The following GAS6 variants were observed in gnomAD, a reference collection of about 807,000 sequenced individuals.
GAS6 encodes growth arrest specific 6.
A neutral mutation model predicts 75.8 loss-of-function variants in GAS6; 41 were observed. That is an observed-to-expected ratio of 0.54 (90% confidence interval 0.42 to 0.70). GAS6 has a LOEUF of 0.70. Among genes scored for constraint, GAS6 ranks in the 30% least tolerant of loss-of-function variants. The pLI, the probability that GAS6 is intolerant of heterozygous loss-of-function variation, is 0.00. For missense variants in GAS6, 854 were observed against 940.2 expected (o/e 0.91, Z 1.20); for synonymous variants, 432 against 412.6 (o/e 1.05, Z -0.57).
intron 12 of GAS6, among the ~76,000 whole-genome samples, chr13:113,824,025 C>T (rs564772408): frequency 6.6e-6 from 1 of 150,450 alleles, no homozygotes; most frequent in East Asian, 1.9e-4. Context: ...CAGGAGCTGT[C>T]ATGAGCACGG....
At chr13:113,833,132 C>G in intron 8 of GAS6, 2 of 1,167,152 alleles carry the variant, frequency 1.7e-6, no homozygotes, top group Non-Finnish European at 2.1e-6. Context: ...CTGGAAAGTT[C>G]CCTGTTCTGG....
rs2051471643 is a variant in GAS6 at position 113,822,300 on chromosome 13, C to T, written c.1654-114G>A. 10 of 785,766 alleles carry T rather than the reference C, an allele frequency of 1.3e-5. No individual in the cohort carries two copies. The South Asian group carries it at 2.1e-4, about 16-fold the overall frequency. The allele number at this position is 785,766 out of a possible 1,614,324, so 48.7% of individuals were successfully genotyped here. The stretch of plus-strand genomic sequence containing the variant: ...CCCTACGCCGCACGCCTGTCTCCGT[C>T]CAGGGTTCCCTGCAGCCCTGGGTCT... On this transcript the variant is annotated intron_variant, in intron 13 of 14. Coordinates refer to ENST00000327773, the MANE Select transcript of GAS6 (RefSeq NM_000820.4).
At position 113,846,274 on chromosome 13, in the gene GAS6, C is replaced by T. The variant is rs58158410; in HGVS notation, c.343+253G>A. On this transcript the variant is annotated intron_variant, in intron 4 of 14. Coordinates refer to ENST00000327773, the MANE Select transcript of GAS6 (RefSeq NM_000820.4). ...GGTGTCTGACTGGACGACTCAGAGGCGGGGATGGGCTTTCACATCACACTC... is the reference window on the plus strand; with the variant it reads ...GGTGTCTGACTGGACGACTCAGAGGTGGGGATGGGCTTTCACATCACACTC... 5.8e-3 allele frequency among the ~76,000 whole-genome samples: 877 copies of T among 152,308 alleles called. 12 individuals are homozygous for T. Among genetic ancestry groups the T allele is most frequent in the African/African-American group, 0.02 (834 of 41,554 alleles).
In GAS6 at chr13:113,835,521, G is replaced by T. The variant is rs2051691189; in HGVS notation, c.704C>A (p.Ala235Asp). The T allele has an allele frequency of 1.2e-6, 2 of 1,612,526 alleles. No homozygotes were observed. The highest frequency in any genetic ancestry group is 4.5e-5 in the East Asian group (2 of 44,878). ...EGFAYSSQEK[A>D]CRDVDECLQG... Reference sequence around the variant, plus strand: ...CCGCGTGGCGTGGGTACCTCGGCAAGCCTTCTCCTGGGAGCTGTACGCAAA... The same window carrying T: ...CCGCGTGGCGTGGGTACCTCGGCAATCCTTCTCCTGGGAGCTGTACGCAAA... The change falls in exon 7 of 15, where the codon GCT becomes GAT. Residue 235 changes from alanine (A) to aspartate (D), a missense_variant. By Grantham distance (126) the Ala-to-Asp change is moderately radical (BLOSUM62 -2). Transcript: ENST00000327773.
chr13:113,828,607 C>T lies in GAS6; in HGVS notation c.1248G>A (p.Leu416=). The part of the protein sequence containing the change: ...AGDLFQPERG[L]YHLNLTVGGI... ...CTCCCACGGTCAGGTTCAGATGATA[C>T]AGTCCTCGCTCCGGTTGGAACAAGT... The change falls in exon 11 of 15, where the codon CTG becomes CTA. Residue 416 remains leucine, a synonymous_variant. Transcript: ENST00000327773. 6.2e-7 allele frequency: 1 copy of T among 1,613,648 alleles called. No homozygotes were observed.
intron 4 of GAS6, chr13:113,842,401 C>G: frequency 5.1e-6 from 2 of 393,608 alleles, no homozygotes; most frequent in South Asian, 1.4e-4. Context: ...TTCGGAGTTA[C>G]GAGGAAACGA....
chr13:113,827,132 G>A lies in GAS6; in HGVS notation c.1341C>T (p.Ser447=), dbSNP rs1038124115. The A allele has an allele frequency of 1.2e-6, 2 of 1,613,348 alleles. No individual in the cohort carries two copies. The highest frequency in any genetic ancestry group is 4.5e-5 in the East Asian group (2 of 44,854). Residue 447 remains serine, a synonymous_variant, in exon 12 of 15, where the codon AGC becomes AGT. Coordinates refer to ENST00000327773, the MANE Select transcript of GAS6 (RefSeq NM_000820.4). ...INPRLDGCMR[S]WNWLNGEDTT... ...TGTCTTCTCCGTTCAGCCAGTTCCAGCTCCTCATGCAGCCATCCAGACGAG... is the reference window on the plus strand; with the variant it reads ...TGTCTTCTCCGTTCAGCCAGTTCCAACTCCTCATGCAGCCATCCAGACGAG...
chr13:113,836,795 AGAG>A (rs2051719639), intron 6 of GAS6, among the ~76,000 whole-genome samples: 1 of 105,708 alleles, frequency 9.5e-6, no homozygotes, highest in Non-Finnish European at 1.9e-5. Context: ...AGGAGAAGAA[AGAG>A]GAGGAGGAAG....
rs543258814 is a variant in GAS6, at chr13:113,848,520, C to T, written c.256-470G>A. Among the ~76,000 whole-genome samples, 4 of 152,256 alleles carry T rather than the reference C, an allele frequency of 2.6e-5. No individual in the cohort carries two copies. The East Asian group carries it at 5.8e-4, about 22-fold the overall frequency. On this transcript the variant is annotated intron_variant, in intron 2 of 14. Transcript: ENST00000327773. The surrounding 1 kb of genome is among the most constrained non-coding windows in gnomAD (Gnocchi z 4.8). ...TGAAGGGTCTTCTTATCCATGAAAG[C>T]GCACTGACGAGGTCCACATTCGACA...
intron 8 of GAS6, 33 bp downstream of exon 8, chr13:113,834,518 C>G (rs760628689): frequency 6.7e-7 from 1 of 1,494,542 alleles, no homozygotes; most frequent in Non-Finnish European, 8.9e-7. Flanking sequence ...CCGGAACCAC[C>G]GTGAAGGGCC....
chr13:113,849,719 T>C (rs756414400), intron 2 of GAS6, among the ~76,000 whole-genome samples: 7 of 152,360 alleles, frequency 4.6e-5, no homozygotes, highest in African/African-American at 7.2e-5. Flanking sequence ...AAAAAGGCAT[T>C]ATTCATGGAA....
chr13:113,848,447 T>C lies in GAS6; in HGVS notation c.256-397A>G, dbSNP rs1323081791. Among the ~76,000 whole-genome samples, 7 of 152,312 alleles carry C rather than the reference T, an allele frequency of 4.6e-5. No homozygotes were observed. Among genetic ancestry groups the C allele is most frequent in the East Asian group, 3.9e-4 (2 of 5,190 alleles). ...GCACACGGGCATTGATTTGCACTTA[T>C]AGTATTGGTGAAACAAAATTGGTAC... On this transcript the variant is annotated intron_variant, in intron 2 of 14. Coordinates refer to ENST00000327773, the MANE Select transcript of GAS6 (RefSeq NM_000820.4). This position sits in a 1 kb window ranked among gnomAD's most constrained non-coding sequence, Gnocchi z 4.8.
At position 113,834,081 on chromosome 13, in the gene GAS6, A is replaced by C. The variant is rs376723601; in HGVS notation, c.834+470T>G. On this transcript the variant is annotated intron_variant, in intron 8 of 14. Coordinates refer to ENST00000327773, the MANE Select transcript of GAS6 (RefSeq NM_000820.4). ...GGTGTGACAGGTCGGTGTGACAGGC[A>C]CCAGTGTGACAGGTAGGTCATGCTG... 1.5e-4 allele frequency among the ~76,000 whole-genome samples: 20 copies of C among 137,132 alleles called. No individual in the cohort carries two copies. The South Asian group carries it at 2.9e-3, about 20-fold the overall frequency. 90.0% of individuals were successfully genotyped at this position (137,132 alleles called of 152,430 possible). A position where few individuals can be genotyped will look rare whatever the true frequency, so the allele number is the denominator to read the frequency against.
chr13:113,846,397 G>T, intron 4 of GAS6, 130 bp downstream of exon 4: 1 of 680,536 alleles, frequency 1.5e-6, no homozygotes, highest in East Asian at 2.7e-5. Flanking sequence ...CGAAAAGGGA[G>T]CAGGCCTCGG....
At chr13:113,821,781 C>T (rs2138608097) in intron 14 of GAS6, 177 bp downstream of exon 14, 2 of 590,076 alleles carry the variant, frequency 3.4e-6, no homozygotes, top group Non-Finnish European at 3.0e-6. Flanking sequence ...CTGACCAGCA[C>T]CGAGACACCA....
chr13:113,835,362 C>A, intron 7 of GAS6, 151 bp downstream of exon 7: 1 of 924,762 alleles, frequency 1.1e-6, no homozygotes, highest in Admixed American at 2.4e-5. Context: ...GGTGGTAGCA[C>A]AGGCCATTAC....
At chr13:113,838,939 G>A (rs114877433) in intron 5 of GAS6, 218 of 185,730 alleles carry the variant, frequency 1.2e-3, no homozygotes, top group African/African-American at 5.0e-3. Context: ...CAGCCCTAGC[G>A]TTTCATGGCC....
At chr13:113,858,187 AGT>A (rs2051929307) in intron 2 of GAS6, among the ~76,000 whole-genome samples, 1 of 152,176 alleles carries the variant, frequency 6.6e-6, no homozygotes, top group African/African-American at 2.4e-5. Context: ...GAAAGAGAAA[AGT>A]GTGTGAGAGG....
chr13:113,853,067 C>T (rs960675707), intron 2 of GAS6, among the ~76,000 whole-genome samples: 1 of 152,202 alleles, frequency 6.6e-6, no homozygotes, highest in Non-Finnish European at 1.5e-5. Context: ...AGTGGTCTCT[C>T]GATCCAACTA....
Sources: allele counts gnomAD v4.1 joint callset (sites outside exome capture counted in the v4.1 genomes callset), GRCh38; gene constraint gnomAD v4.1.1; non-coding constraint Gnocchi (gnomAD v3.1); transcripts MANE v1.5; gene names NCBI Gene and HGNC (gene_info 2026-07-23, HGNC 2026-07-21).